Variants in LRRC8C observed in about 807,000 individuals in gnomAD.
The protein encoded by LRRC8C is leucine rich repeat containing 8 VRAC subunit C.
In LRRC8C, 20 loss-of-function variants were observed where a neutral mutation model predicts 55.3. That is an observed-to-expected ratio of 0.36 (90% confidence interval 0.25 to 0.53). The LOEUF (loss-of-function observed/expected upper bound fraction) is 0.53. LRRC8C is among the 20% of genes least tolerant of loss of function. LRRC8C has a pLI of 0.92. For missense variants in LRRC8C, 659 were observed against 951.4 expected, an observed-to-expected ratio of 0.69 and a Z score of 4.04; for synonymous variants, 376 against 360.7, an observed-to-expected ratio of 1.04 and a Z score of -0.48.
intron 1 of LRRC8C, among the ~76,000 whole-genome samples, chr1:89,662,177 A>G (rs1464353151): frequency 6.6e-6 from 1 of 152,180 alleles, no homozygotes; most frequent in Non-Finnish European, 1.5e-5. Context: ...AAAATCTCAT[A>G]ATGTTTTAGG....
chr1:89,696,666 A>G (rs1385077042), intron 2 of LRRC8C, among the ~76,000 whole-genome samples: 2 of 152,148 alleles, frequency 1.3e-5, no homozygotes, highest in African/African-American at 4.8e-5. Context: ...GAGACTTCCA[A>G]ATGATGACTC....
In LRRC8C at chr1:89,657,739, C is replaced by CA. The variant is rs138148934; in HGVS notation, c.-5+24438dup. Among the ~76,000 whole-genome samples the CA allele has an allele frequency of 3.2e-3, 321 of 98,828 alleles. 1 individual carries two copies. Among genetic ancestry groups the CA allele is most frequent in the African/African-American group, 0.01 (295 of 29,116 alleles). 64.8% of individuals were successfully genotyped at this position (98,828 alleles called of 152,430 possible). ...TGGGTGACAGAGTGAGACTCTGTAT[C>CA]AAAAAAAAAAAAAAAAAAAAAGATG... On this transcript the variant is annotated intron_variant, in intron 1 of 2. Coordinates refer to ENST00000370454, the MANE Select transcript of LRRC8C (RefSeq NM_032270.5).
intron 1 of LRRC8C, among the ~76,000 whole-genome samples, chr1:89,633,642 C>A (rs1396107484): frequency 6.6e-6 from 1 of 151,528 alleles, no homozygotes; most frequent in South Asian, 2.1e-4. Context: ...GGTGGGGGGG[C>A]GGTCCGCGAG....
the LRRC8C span, among the ~76,000 whole-genome samples, chr1:89,617,401 A>G: frequency 3.3e-5 from 5 of 152,216 alleles, no homozygotes; most frequent in Non-Finnish European, 5.9e-5. Flanking sequence ...TCTTCAGATG[A>G]TTCATGGGCA....
intron 1 of LRRC8C, among the ~76,000 whole-genome samples, chr1:89,680,985 T>C (rs1657691593): frequency 6.6e-6 from 1 of 152,240 alleles, no homozygotes; most frequent in Admixed American, 6.5e-5. Flanking sequence ...TTAAAAATAT[T>C]ACACTTCCAA....
chr1:89,687,230 G>T (rs1421197435), intron 2 of LRRC8C, among the ~76,000 whole-genome samples: 1 of 152,194 alleles, frequency 6.6e-6, no homozygotes, highest in Non-Finnish European at 1.5e-5. Context: ...AAAATAACTT[G>T]TGTTATACTT....
chr1:89,649,930 A>G lies in LRRC8C; in HGVS notation c.-5+16608A>G, dbSNP rs371451021. On this transcript the variant is annotated intron_variant, in intron 1 of 2. Coordinates refer to ENST00000370454, the MANE Select transcript of LRRC8C (RefSeq NM_032270.5). ...TTTAATGAGATGTTCTTCAAAACAC[A>G]GGACAAACTTTTGTGACCCCTTTAA... 5.9e-5 allele frequency among the ~76,000 whole-genome samples: 9 copies of G among 152,334 alleles called. No homozygotes were observed. In the South Asian group the frequency reaches 8.3e-4, roughly 14 times the overall value.
At chr1:89,693,646 CTTTTTTTTTTTTTTT>C (rs35427989) in intron 2 of LRRC8C, among the ~76,000 whole-genome samples, 6 of 82,700 alleles carry the variant, frequency 7.3e-5, no homozygotes, top group Admixed American at 2.6e-4. Flanking sequence ...TCTTTTCTTC[CTTTTTTTTTTTTTTT>C]TTTTTTTTTT....
intron 1 of LRRC8C, among the ~76,000 whole-genome samples, chr1:89,675,505 G>T (rs568543353): frequency 1.3e-5 from 2 of 152,336 alleles, no homozygotes; most frequent in East Asian, 3.9e-4. Context: ...TTAGAACCCT[G>T]TGCCCTCTTT....
chr1:89,626,923 G>A, the LRRC8C span: 1 of 149,018 alleles, frequency 6.7e-6, no homozygotes, highest in Non-Finnish European at 1.5e-5. Flanking sequence ...AAGGTCAAAG[G>A]TCCAGGTGGG....
intron 1 of LRRC8C, among the ~76,000 whole-genome samples, chr1:89,670,334 G>GT (rs1453086677): frequency 6.6e-6 from 1 of 152,084 alleles, no homozygotes; most frequent in Non-Finnish European, 1.5e-5. Context: ...TTTTATCTTG[G>GT]TGTTACCAGG....
chr1:89,665,477 C>T (rs1046770997), intron 1 of LRRC8C, among the ~76,000 whole-genome samples: 5 of 151,798 alleles, frequency 3.3e-5, no homozygotes, highest in Non-Finnish European at 5.9e-5. Context: ...TACATGTTGG[C>T]GTCTTCGTTT....
intron 1 of LRRC8C, among the ~76,000 whole-genome samples, chr1:89,664,244 A>G (rs1294276165): frequency 1.3e-5 from 2 of 152,118 alleles, no homozygotes; most frequent in Non-Finnish European, 2.9e-5. Flanking sequence ...GGTATTGTCT[A>G]GATTTTCTTC....
chr1:89,618,526 G>A, the LRRC8C span, among the ~76,000 whole-genome samples: 1 of 152,156 alleles, frequency 6.6e-6, no homozygotes, highest in Non-Finnish European at 1.5e-5. Context: ...GATTGAACTG[G>A]ATAAAACTAA....
At chr1:89,678,907 G>C (rs934684717) in intron 1 of LRRC8C, among the ~76,000 whole-genome samples, 3 of 152,170 alleles carry the variant, frequency 2.0e-5, no homozygotes, top group Non-Finnish European at 4.4e-5. Context: ...TGGGACAGGA[G>C]TAGGTTTTGG....
intron 1 of LRRC8C, among the ~76,000 whole-genome samples, chr1:89,641,989 G>C (rs112690695): frequency 0.027 from 4,116 of 152,244 alleles, 190 homozygotes; most frequent in African/African-American, 0.094. Context: ...AACCAGTAAG[G>C]CCAATGAGTT....
chr1:89,712,947 ATTTCCCTTACC>A lies in LRRC8C; in HGVS notation c.380_390del (p.Phe127CysfsTer13), dbSNP rs1557670519. ...CGAGCCCTCCACTGGTATGCCAAGT[ATTTCCCTTACC>A]TTGTCCTCATCCATACCCTGGTCTT... On this transcript the variant is annotated frameshift_variant, in exon 3 of 3. Coordinates refer to ENST00000370454, the MANE Select transcript of LRRC8C (RefSeq NM_032270.5). LOFTEE classifies it high-confidence loss of function. 1.2e-6 allele frequency: 2 copies of A among 1,614,168 alleles called. No homozygotes were observed. The highest frequency in any genetic ancestry group is 1.7e-6 in the Non-Finnish European group (2 of 1,180,032).
At chr1:89,661,422 A>G (rs2101214875) in intron 1 of LRRC8C, 1 of 280,842 alleles carries the variant, frequency 3.6e-6, no homozygotes, top group East Asian at 9.0e-5. Context: ...TCAAGCTTAG[A>G]TGCTTCTTGG....
chr1:89,650,271 C>T (rs1656724973), intron 1 of LRRC8C, among the ~76,000 whole-genome samples: 1 of 151,992 alleles, frequency 6.6e-6, no homozygotes, highest in Admixed American at 6.5e-5. Context: ...ATAGAATGAA[C>T]AGTCAAAGAT....
Sources: gnomAD v4.1 joint callset for allele counts (sites outside exome capture counted in the v4.1 genomes callset) on GRCh38, gnomAD v4.1.1 for gene constraint, MANE v1.5 for transcripts, NCBI Gene and HGNC (gene_info 2026-07-23, HGNC 2026-07-21) for gene names.